Variants in BIRC6 observed in about 807,000 individuals in gnomAD.
BIRC6 encodes the protein baculoviral IAP repeat containing 6.
A neutral mutation model predicts 503.3 loss-of-function variants in BIRC6; 98 were observed. That is an observed-to-expected ratio of 0.19 (90% CI 0.17 to 0.23). The LOEUF (loss-of-function observed/expected upper bound fraction) is 0.23, where lower values mean the gene tolerates loss of function less well. Ranked by LOEUF, BIRC6 falls within the 10% of genes least tolerant of loss-of-function variation. The probability of loss-of-function intolerance (pLI) is 1.00; values close to 1 mark genes in which losing one functional copy is unlikely to be tolerated. For synonymous variants in BIRC6, 2,240 were observed against 2,078.7 expected, an observed-to-expected ratio of 1.08 and a Z score of -2.11; for missense variants, 5,360 against 5,806.0, an observed-to-expected ratio of 0.92 and a Z score of 2.50.
rs1277912206 is a variant in BIRC6 at position 32,575,262 on chromosome 2, A to C, written c.13251A>C (p.Thr4417=). Residue 4417 remains threonine (T), a synonymous_variant, in exon 66 of 74, where the codon ACA becomes ACC. Coordinates refer to ENST00000421745, the MANE Select transcript of BIRC6 (RefSeq NM_016252.4). ...AMVPLLLPLS[T]ENGEEEEEQS... ...TGCCCCTATTGTTGCCCCTTTCTAC[A>C]GAGAACGGTGAAGAGGAAGAAGAAC... The C allele has an allele frequency of 6.2e-7, 1 of 1,613,866 alleles. No individual in the cohort carries two copies. Among genetic ancestry groups the C allele is most frequent in the Admixed American group, 1.7e-5 (1 of 60,000 alleles).
chr2:32,551,987 G>T (rs1380709882), intron 65 of BIRC6, among the ~76,000 whole-genome samples: 1 of 152,128 alleles, frequency 6.6e-6, no homozygotes, highest in Non-Finnish European at 1.5e-5. Flanking sequence ...ATAAAAAAAC[G>T]CAGGCCTAAC....
In BIRC6 at chr2:32,611,396, T is replaced by C. The variant is rs578129197; in HGVS notation, c.14260-52T>C. The C allele has an allele frequency of 3.3e-6, 5 of 1,498,688 alleles. No homozygotes were observed. The African/African-American group carries it at 5.5e-5, about 17-fold the overall frequency. 92.8% of individuals were successfully genotyped at this position (1,498,688 alleles called of 1,614,324 possible). On this transcript the variant is annotated intron_variant, in intron 72 of 73. Coordinates refer to ENST00000421745, the MANE Select transcript of BIRC6 (RefSeq NM_016252.4). ...TCTTTGTAATGTCATTTACTGTGTC[T>C]TTTAAATTTGACTGTAAACACTGCT...
rs774317703 is a variant in BIRC6 at position 32,433,753 on chromosome 2, A to T, written c.3358A>T (p.Ile1120Leu). The T allele has an allele frequency of 1.3e-6, 2 of 1,598,264 alleles. No individual in the cohort carries two copies. The highest frequency in any genetic ancestry group is 1.7e-6 in the Non-Finnish European group (2 of 1,168,732). ...LNSNITNIPQ[I>L]QVTLLKNKAP... Reference sequence around the variant, plus strand: ...CTCAAACATCACCAATATTCCACAGATACAAGTGACACTGCTGAAAAATAA... The same window carrying T: ...CTCAAACATCACCAATATTCCACAGTTACAAGTGACACTGCTGAAAAATAA... The change falls in exon 13 of 74, where the codon ATA becomes TTA. Residue 1120 changes from isoleucine (I) to leucine (L), a missense_variant. Around this residue, in one of 16 missense-constraint regions of BIRC6, gnomAD observed 2,299 missense variants for 2,267.2 expected, o/e 1.01. Coordinates refer to ENST00000421745, the MANE Select transcript of BIRC6 (RefSeq NM_016252.4).
At position 32,487,811 on chromosome 2, in the gene BIRC6, C is replaced by T; in HGVS notation, c.7968+10C>T. ...AGTCCATCATGTTCAGGTATGACTTCAGGAGAAATGGTGTATTTTTACATA... is the reference window on the plus strand; with the variant it reads ...AGTCCATCATGTTCAGGTATGACTTTAGGAGAAATGGTGTATTTTTACATA... On this transcript the variant is annotated intron_variant, in intron 41 of 73. Coordinates refer to ENST00000421745, the MANE Select transcript of BIRC6 (RefSeq NM_016252.4). The T allele has an allele frequency of 4.4e-6, 7 of 1,600,844 alleles. No homozygotes were observed. The highest frequency in any genetic ancestry group is 6.0e-6 in the Non-Finnish European group (7 of 1,168,950).
At position 32,467,653 on chromosome 2, in the gene BIRC6, A is replaced by C; in HGVS notation, c.5485A>C (p.Arg1829=). The C allele has an allele frequency of 6.2e-7, 1 of 1,613,954 alleles. No homozygotes were observed. The highest frequency in any genetic ancestry group is 8.5e-7 in the Non-Finnish European group (1 of 1,179,868). The part of the protein sequence containing the change: ...IWTLGEEVDG[R]RLVVATDIST... ...GACATTAGGAGAAGAGGTGGATGGA[A>C]GGCGGTTGGTAGTGGCAACTGATAT... is the stretch of plus-strand genomic sequence containing the variant. The change falls in exon 27 of 74, where the codon AGG becomes CGG. Residue 1829 remains arginine (R), a synonymous_variant. Coordinates refer to ENST00000421745, the MANE Select transcript of BIRC6 (RefSeq NM_016252.4).
intron 57 of BIRC6, among the ~76,000 whole-genome samples, chr2:32,524,371 G>A (rs934393895): frequency 1.3e-5 from 2 of 152,084 alleles, no homozygotes; most frequent in Non-Finnish European, 2.9e-5. Flanking sequence ...ACAGAAATTT[G>A]TTCTTTTATA....
At position 32,487,643 on chromosome 2, in the gene BIRC6, T is replaced by G; in HGVS notation, c.7814-4T>G. On this transcript the variant is annotated splice_polypyrimidine_tract_variant and splice_region_variant and intron_variant, in intron 40 of 73. Transcript: ENST00000421745. ...ATAAAATTATACTTGTGTTTAATTT[T>G]CAGTATCACAGTCTCCCACTGGAAC... The G allele has an allele frequency of 6.2e-7, 1 of 1,612,588 alleles. No homozygotes were observed. Among genetic ancestry groups the G allele is most frequent in the South Asian group, 1.1e-5 (1 of 90,912 alleles).
In BIRC6 at chr2:32,415,510, C is replaced by T. The variant is rs766167895; in HGVS notation, c.2219C>T (p.Ala740Val). ...TGTATAGACTCAATAACTCCTTGTGCTGACGGAATTCATTTGTTGGTAGGA... is the reference window on the plus strand; with the variant it reads ...TGTATAGACTCAATAACTCCTTGTGTTGACGGAATTCATTTGTTGGTAGGA... The part of the protein sequence containing the change: ...NLCIDSITPC[A>V]DGIHLLVGLR... Residue 740 changes from alanine (A) to valine (V), a missense_variant, in exon 10 of 74, where the codon GCT becomes GTT. This residue lies in a region of BIRC6 where 700 missense variants were observed against 739.3 expected (regional missense o/e 0.95). Coordinates refer to ENST00000421745, the MANE Select transcript of BIRC6 (RefSeq NM_016252.4). 1 of 1,614,032 alleles carries T rather than the reference C, an allele frequency of 6.2e-7. No individual in the cohort carries two copies. Among genetic ancestry groups the T allele is most frequent in the Non-Finnish European group, 8.5e-7 (1 of 1,179,902 alleles).
chr2:32,465,384 C>T (rs1227285259), intron 26 of BIRC6, among the ~76,000 whole-genome samples: 45 of 150,652 alleles, frequency 3.0e-4, no homozygotes, highest in African/African-American at 1.1e-3. Flanking sequence ...TGGATTTGAT[C>T]TATATATGAA....
At chr2:32,396,217 G>A (rs2039864931) in intron 6 of BIRC6, among the ~76,000 whole-genome samples, 1 of 152,064 alleles carries the variant, frequency 6.6e-6, no homozygotes, top group Non-Finnish European at 1.5e-5. Context: ...AGGTACTATT[G>A]TAATCTCCAT....
At position 32,543,485 on chromosome 2, in the gene BIRC6, A is replaced by G; in HGVS notation, c.12536A>G (p.Lys4179Arg). ...GYAEVLLKER[K>R]HAQCLLRLVL... ...GCGGAAGTGCTACTGAAAGAGAGAA[A>G]ACATGCCCAGTGCCTTCTTCGATTG... Residue 4179 changes from lysine (K) to arginine (R), a missense_variant, in exon 62 of 74, where the codon AAA (lysine) becomes AGA (arginine). By Grantham distance (26) the Lys-to-Arg change is conservative. This residue lies in a region of BIRC6 where 477 missense variants were observed against 574.4 expected (regional missense o/e 0.83). Transcript: ENST00000421745. 1.2e-6 allele frequency: 2 copies of G among 1,614,020 alleles called. No individual in the cohort carries two copies. Among genetic ancestry groups the G allele is most frequent in the Non-Finnish European group, 1.7e-6 (2 of 1,179,892 alleles).
At chr2:32,379,354 A>C (rs1238748360) in intron 2 of BIRC6, 1 of 152,226 alleles carries the variant, frequency 6.6e-6, no homozygotes, top group Non-Finnish European at 1.5e-5. Flanking sequence ...GCAAAAAAAC[A>C]CTATCAAACT....
At position 32,529,791 on chromosome 2, in the gene BIRC6, A is replaced by C. The variant is rs1366618317; in HGVS notation, c.12061A>C (p.Thr4021Pro). Residue 4021 changes from threonine (T) to proline (P), a missense_variant, in exon 60 of 74, where the codon ACA becomes CCA. Coordinates refer to ENST00000421745, the MANE Select transcript of BIRC6 (RefSeq NM_016252.4). Reference sequence around the variant, plus strand: ...TATAACAGACCCCAGTCTATCAAAAACAGATTCTTATAAAAGACTACACCC... The same window carrying C: ...TATAACAGACCCCAGTCTATCAAAACCAGATTCTTATAAAAGACTACACCC... The part of the protein sequence containing the change: ...RVITDPSLSK[T>P]DSYKRLHPEK... 6.2e-7 allele frequency: 1 copy of C among 1,612,078 alleles called. No individual in the cohort carries two copies. The highest frequency in any genetic ancestry group is 8.5e-7 in the Non-Finnish European group (1 of 1,179,036).
chr2:32,395,605 T>C lies in BIRC6; in HGVS notation c.1034+12T>C, dbSNP rs374274578. On this transcript the variant is annotated intron_variant, in intron 6 of 73. Coordinates refer to ENST00000421745, the MANE Select transcript of BIRC6 (RefSeq NM_016252.4). ...ACTGATGAACCTTGGTGAGTCTTGATGTTTCTGGGCATAATAGGCTAAGTC... is the reference window on the plus strand; with the variant it reads ...ACTGATGAACCTTGGTGAGTCTTGACGTTTCTGGGCATAATAGGCTAAGTC... 6.3e-7 allele frequency: 1 copy of C among 1,592,664 alleles called. No homozygotes were observed. The highest frequency in any genetic ancestry group is 8.6e-7 in the Non-Finnish European group (1 of 1,160,618).
intron 68 of BIRC6, 80 bp downstream of exon 68, chr2:32,595,224 AT>A: frequency 1.2e-6 from 1 of 867,320 alleles, no homozygotes; most frequent in Non-Finnish European, 1.8e-6. Context: ...GTTTTAGCAA[AT>A]TAAAGATTTT....
At chr2:32,537,658 C>A (rs538940622) in intron 61 of BIRC6, among the ~76,000 whole-genome samples, 136 of 152,202 alleles carry the variant, frequency 8.9e-4, no homozygotes, top group African/African-American at 3.2e-3. Flanking sequence ...AAGCTCTAGG[C>A]AAAATATATT....
intron 65 of BIRC6, among the ~76,000 whole-genome samples, chr2:32,560,719 A>G (rs1408528680): frequency 5.9e-5 from 9 of 152,222 alleles, no homozygotes; most frequent in Admixed American, 3.9e-4. Flanking sequence ...GGCACCTGCC[A>G]CCATGCCCAG....
chr2:32,387,820 C>T (rs371756998), intron 3 of BIRC6, among the ~76,000 whole-genome samples: 6 of 151,962 alleles, frequency 3.9e-5, no homozygotes, highest in South Asian at 2.1e-4. Context: ...TTTAGTTGTC[C>T]TTAATTTTTG....
Position 32,529,639 on chromosome 2 carries a change from A to G in BIRC6, c.11921-12A>G, listed in dbSNP as rs759537046. 11 of 1,557,940 alleles carry G rather than the reference A, an allele frequency of 7.1e-6. No homozygotes were observed. The African/African-American group carries it at 1.3e-4, about 18-fold the overall frequency. ...CTCGGTTTCCAGATTTAACTTAGTTATATCATTTTAGGCCAGCCATTGCCA... is the reference window on the plus strand; with the variant it reads ...CTCGGTTTCCAGATTTAACTTAGTTGTATCATTTTAGGCCAGCCATTGCCA... On this transcript the variant is annotated splice_polypyrimidine_tract_variant and intron_variant, in intron 59 of 73. Coordinates refer to ENST00000421745, the MANE Select transcript of BIRC6 (RefSeq NM_016252.4).
Sources: allele counts gnomAD v4.1 joint callset (sites outside exome capture counted in the v4.1 genomes callset), GRCh38; gene constraint gnomAD v4.1.1; regional missense constraint gnomAD v4.1.1; transcripts MANE v1.5; gene names NCBI Gene and HGNC (gene_info 2026-07-23, HGNC 2026-07-21).